Variants in SACS observed in about 807,000 individuals in gnomAD.
SACS encodes the protein sacsin.
SACS carries 197 observed loss-of-function variants against 348.0 expected under a neutral mutation model. That is an observed-to-expected ratio of 0.57 (90% CI 0.50 to 0.64). The LOEUF (loss-of-function observed/expected upper bound fraction) is 0.64, where lower values mean the gene tolerates loss of function less well. SACS is among the 30% of genes least tolerant of loss of function. The probability of loss-of-function intolerance (pLI) is 0.00; values close to 1 mark genes in which losing one functional copy is unlikely to be tolerated. For synonymous variants in SACS, 1,985 were observed against 1,910.6 expected, an observed-to-expected ratio of 1.04 and a Z score of -1.02; for missense variants, 4,999 against 5,360.8, an observed-to-expected ratio of 0.93 and a Z score of 2.11.
At chr13:23,402,485 A>T (rs1873020910) in intron 2 of SACS, among the ~76,000 whole-genome samples, 1 of 152,242 alleles carries the variant, frequency 6.6e-6, no homozygotes, top group Non-Finnish European at 1.5e-5. Context: ...CAGAATTCAG[A>T]AACTCATCTT....
In SACS at chr13:23,333,603, T is replaced by C; in HGVS notation, c.10273A>G (p.Lys3425Glu). 6.2e-7 allele frequency: 1 copy of C among 1,613,784 alleles called. No individual in the cohort carries two copies. Among genetic ancestry groups the C allele is most frequent in the Non-Finnish European group, 8.5e-7 (1 of 1,179,778 alleles). ...GTAAGTACGTAGCATGTTCCAAATT[T>C]TCCAATGCTTACATAGCGGCCACTG... is the stretch of plus-strand genomic sequence containing the variant. ...SISGRYVSIG[K>E]FGTCYVLTKS... The change falls in exon 10 of 10, where the codon AAA becomes GAA. Residue 3425 changes from lysine (K) to glutamate (E), a missense_variant. Lys to Glu is a moderately conservative substitution (Grantham distance 56). Coordinates refer to ENST00000382292, the MANE Select transcript of SACS (RefSeq NM_014363.6).
rs1593121924 is a variant in SACS, at chr13:23,332,237, ACT to A, written c.11637_11638del (p.Arg3879SerfsTer12). ...TAGACTCCTGAACAGACCAGAAACTACTCTCTTAACTGTACGCATTTCATTAG... is the reference window on the plus strand; with the variant it reads ...TAGACTCCTGAACAGACCAGAAACTACTCTTAACTGTACGCATTTCATTAG... On this transcript the variant is annotated frameshift_variant, in exon 10 of 10. Transcript: ENST00000382292. LOFTEE classifies it high-confidence loss of function. 1 of 1,613,794 alleles carries A rather than the reference ACT, an allele frequency of 6.2e-7. No individual in the cohort carries two copies.
chr13:23,421,268 T>C (rs970162702), intron 1 of SACS, among the ~76,000 whole-genome samples: 2 of 151,952 alleles, frequency 1.3e-5, no homozygotes, highest in African/African-American at 4.8e-5. Context: ...ACCTGGGTCC[T>C]GGATGTCCAG....
rs1201976226 is a variant in SACS at position 23,375,133 on chromosome 13, G to T, written c.157C>A (p.Arg53Ser). 1.2e-5 allele frequency: 18 copies of T among 1,498,078 alleles called. No individual in the cohort carries two copies. The highest frequency in any genetic ancestry group is 1.3e-5 in the Non-Finnish European group (15 of 1,124,188). The allele number at this position is 1,498,078 out of a possible 1,614,324, so 92.8% of individuals were successfully genotyped here. Reference protein sequence around the residue: ...GFPVSEQRLWRGGRELSDWIK... With the variant: ...GFPVSEQRLWSGGRELSDWIK... ...CCACCGCCTACCTCGCGGCCGCCGC[G>T]CCACAGCCGCTGCTCCGACACCGGG... is the stretch of plus-strand genomic sequence containing the variant. The change falls in exon 3 of 10, where the codon CGC becomes AGC. Residue 53 changes from arginine to serine, a missense_variant. Arg to Ser is a moderately radical substitution (Grantham distance 110). Transcript: ENST00000382292.
Position 23,338,750 on chromosome 13 carries a change from T to C in SACS, c.5126A>G (p.Gln1709Arg). Residue 1709 changes from glutamine (Q) to arginine (R), a missense_variant, in exon 10 of 10, where the codon CAA becomes CGA. Around this residue, in one of 6 missense-constraint regions of SACS, gnomAD observed 3,156 missense variants for 3,380.1 expected, o/e 0.93. Transcript: ENST00000382292. ...KIEETNPSLAQDTVIIKKKSC... is the reference protein window; with the variant it reads ...KIEETNPSLARDTVIIKKKSC... The stretch of plus-strand genomic sequence containing the variant: ...TTTTTTTTTAATTATTACTGTATCT[T>C]GTGCTAAACTGGGGTTGGTTTCCTC... 6.2e-7 allele frequency: 1 copy of C among 1,610,892 alleles called. No homozygotes were observed. Among genetic ancestry groups the C allele is most frequent in the East Asian group, 2.2e-5 (1 of 44,846 alleles).
chr13:23,335,427 T>C lies in SACS; in HGVS notation c.8449A>G (p.Thr2817Ala), dbSNP rs1185461467. ...CCTGATCTATTACAAATTAGCCACG[T>C]AGTAAGATTTCCTTCAGAGTCCTCA... ...DTEDSEGNLT[T>A]WLICNRSGFS... The change falls in exon 10 of 10, where the codon ACG becomes GCG. Residue 2817 changes from threonine to alanine, a missense_variant. Coordinates refer to ENST00000382292, the MANE Select transcript of SACS (RefSeq NM_014363.6). This position sits in a 1 kb window ranked among gnomAD's most constrained non-coding sequence, Gnocchi z 4.7. 6.2e-7 allele frequency: 1 copy of C among 1,613,966 alleles called. No individual in the cohort carries two copies. Among genetic ancestry groups the C allele is most frequent in the Non-Finnish European group, 8.5e-7 (1 of 1,179,904 alleles).
intron 1 of SACS, among the ~76,000 whole-genome samples, chr13:23,432,549 G>C (rs1874476553): frequency 1.3e-5 from 2 of 152,152 alleles, no homozygotes; most frequent in Admixed American, 1.3e-4. Flanking sequence ...TAAAACTACT[G>C]GGACATCATG....
chr13:23,346,408 T>C lies in SACS; in HGVS notation c.2186-4718A>G, dbSNP rs555612984. On this transcript the variant is annotated intron_variant, in intron 9 of 9. Coordinates refer to ENST00000382292, the MANE Select transcript of SACS (RefSeq NM_014363.6). ...ACCCACCTGCCTCTGCCTCCCAAAA[T>C]GCTGGGATTACAGGCGTGAGCCACC... Among the ~76,000 whole-genome samples the C allele has an allele frequency of 1.2e-4, 18 of 152,310 alleles. No individual in the cohort carries two copies. In the East Asian group the frequency reaches 2.9e-3, roughly 25 times the overall value.
Position 23,355,733 on chromosome 13 carries a change from A to G in SACS, c.879T>C (p.Leu293=). 5 of 1,614,194 alleles carry G rather than the reference A, an allele frequency of 3.1e-6. No individual in the cohort carries two copies. In the East Asian group the frequency reaches 1.1e-4, roughly 36 times the overall value. The change falls in exon 8 of 10, where the codon CTT becomes CTC. Residue 293 remains leucine (L), a synonymous_variant. Coordinates refer to ENST00000382292, the MANE Select transcript of SACS (RefSeq NM_014363.6). ...CTGCCCTAAAAGACTCAAACAACTC[A>G]AGAACCTTCTGCTTATTGTAGAGGT... ...SSNLYNKQKV[L]ELFESFRADA...
At chr13:23,403,269 G>A (rs1873062710) in intron 2 of SACS, among the ~76,000 whole-genome samples, 1 of 152,092 alleles carries the variant, frequency 6.6e-6, no homozygotes, top group Non-Finnish European at 1.5e-5. Flanking sequence ...GGATGATGCT[G>A]GCTTCATAAA....
intron 9 of SACS, among the ~76,000 whole-genome samples, chr13:23,343,072 T>C (rs531492932): frequency 5.9e-5 from 9 of 152,150 alleles, no homozygotes; most frequent in Admixed American, 4.6e-4. Flanking sequence ...AGGGAGCACG[T>C]GGGGCAGTGC....
intron 2 of SACS, among the ~76,000 whole-genome samples, chr13:23,402,914 A>G (rs1474894675): frequency 6.6e-6 from 1 of 152,178 alleles, no homozygotes; most frequent in Non-Finnish European, 1.5e-5. Context: ...ATGGTGGCTC[A>G]CGCCTATAAT....
At chr13:23,388,487 G>GTATATATA (rs71100176) in intron 2 of SACS, among the ~76,000 whole-genome samples, 1 of 140,192 alleles carries the variant, frequency 7.1e-6, no homozygotes, top group African/African-American at 2.7e-5. Context: ...TGGTGTGTGT[G>GTATATATA]TATATATATA....
In SACS at chr13:23,336,262, T is replaced by C. The variant is rs142697365; in HGVS notation, c.7614A>G (p.Ala2538=). The C allele has an allele frequency of 4.3e-6, 7 of 1,614,090 alleles. No individual in the cohort carries two copies. Among genetic ancestry groups the C allele is most frequent in the Non-Finnish European group, 4.2e-6 (5 of 1,179,946 alleles). The change falls in exon 10 of 10, where the codon GCA becomes GCG. Residue 2538 remains alanine (A), a synonymous_variant. Coordinates refer to ENST00000382292, the MANE Select transcript of SACS (RefSeq NM_014363.6). The part of the protein sequence containing the change: ...LTSRIKSILN[A]YPSEKEMLKE... ...TCAACATTTCCTTTTCAGAAGGATATGCATTAAGGATGCTCTTAATTCTGC... is the reference window on the plus strand; with the variant it reads ...TCAACATTTCCTTTTCAGAAGGATACGCATTAAGGATGCTCTTAATTCTGC...
intron 2 of SACS, 121 bp from the exon 3 acceptor site, chr13:23,375,390 C>G: frequency 8.1e-7 from 1 of 1,238,922 alleles, no homozygotes; most frequent in Non-Finnish European, 1.0e-6. Context: ...CCCTAGCGCC[C>G]GCCCCTGACG....
rs780279498 is a variant in SACS, at chr13:23,337,013, G to A, written c.6863C>T (p.Pro2288Leu). 1 of 1,613,894 alleles carries A rather than the reference G, an allele frequency of 6.2e-7. No individual in the cohort carries two copies. Among genetic ancestry groups the A allele is most frequent in the East Asian group, 2.2e-5 (1 of 44,858 alleles). ...TTGGTTTATAACCAGATCAACTGTT[G>A]GCTTCTTGAGTAATCCCAAAAACTC... ...VKEFLGLLKKPTVDLVINQLK... is the reference protein window; with the variant it reads ...VKEFLGLLKKLTVDLVINQLK... Residue 2288 changes from proline (P) to leucine (L), a missense_variant, in exon 10 of 10, where the codon CCA becomes CTA. By Grantham distance (98) the Pro-to-Leu change is moderately conservative. This residue lies in a region of SACS where 3,156 missense variants were observed against 3,380.1 expected (regional missense o/e 0.93). Transcript: ENST00000382292.
rs377626385 is a variant in SACS, at chr13:23,335,888, G to A, written c.7988C>T (p.Pro2663Leu). ...ATCCAAATCTCTAAACATGCGTCCG[G>A]GACTAATGGATGTGGCCCCTGGTGC... ...RYAPGATSISPGRMFRDLDAD... is the reference protein window; with the variant it reads ...RYAPGATSISLGRMFRDLDAD... The change falls in exon 10 of 10, where the codon CCC (proline) becomes CTC (leucine). Residue 2663 changes from proline to leucine, a missense_variant. Physicochemically the swap from Pro to Leu is moderately conservative, Grantham distance 98. Around this residue, in one of 6 missense-constraint regions of SACS, gnomAD observed 3,156 missense variants for 3,380.1 expected, o/e 0.93. Transcript: ENST00000382292. The surrounding 1 kb of genome is among the most constrained non-coding windows in gnomAD (Gnocchi z 4.7). The A allele has an allele frequency of 8.1e-6, 13 of 1,613,466 alleles. No homozygotes were observed. Among genetic ancestry groups the A allele is most frequent in the African/African-American group, 2.7e-5 (2 of 74,882 alleles).
intron 8 of SACS, 132 bp downstream of exon 8, chr13:23,354,387 T>C: frequency 1.4e-6 from 1 of 736,496 alleles, no homozygotes; most frequent in Non-Finnish European, 2.3e-6. Context: ...TAACAATGTA[T>C]TTCTGCAAAA....
intron 1 of SACS, among the ~76,000 whole-genome samples, chr13:23,426,403 A>G (rs934686326): frequency 5.3e-5 from 8 of 152,138 alleles, no homozygotes; most frequent in African/African-American, 1.9e-4. Flanking sequence ...CACTTTGGGA[A>G]GCCAAGGCGG....
Sources: gnomAD v4.1 joint callset for allele counts (sites outside exome capture counted in the v4.1 genomes callset) on GRCh38, gnomAD v4.1.1 for gene constraint, gnomAD v4.1.1 regional missense constraint, Gnocchi (gnomAD v3.1) non-coding constraint, MANE v1.5 for transcripts, NCBI Gene and HGNC (gene_info 2026-07-23, HGNC 2026-07-21) for gene names.